The following ZKSCAN5 variants were observed in gnomAD, a reference collection of about 807,000 sequenced individuals.
The protein encoded by ZKSCAN5 is zinc finger with KRAB and SCAN domains 5, also known as zinc finger protein with KRAB and SCAN domains 5.
ZKSCAN5 carries 28 observed loss-of-function variants against 60.0 expected under a neutral mutation model. That is an observed-to-expected ratio of 0.47 (90% CI 0.35 to 0.64). The LOEUF (loss-of-function observed/expected upper bound fraction) is 0.64. Ranked by LOEUF, ZKSCAN5 falls within the 30% of genes least tolerant of loss-of-function variation. The probability of loss-of-function intolerance (pLI) is 0.01; values close to 1 mark genes in which losing one functional copy is unlikely to be tolerated. For synonymous variants in ZKSCAN5, 361 were observed against 371.2 expected, an observed-to-expected ratio of 0.97 and a Z score of 0.31; for missense variants, 881 against 1,034.6, an observed-to-expected ratio of 0.85 and a Z score of 2.04.
rs543833688 is a variant in ZKSCAN5 at position 99,512,437 on chromosome 7, T to G, written c.415-16T>G. On this transcript the variant is annotated splice_polypyrimidine_tract_variant and intron_variant, in intron 2 of 6. Transcript: ENST00000326775. ...TCTCTGTAACTGTACTGATCGGTTT[T>G]GGTTGTGGTTGTTAGATTGTTGCCT... 5 of 1,612,684 alleles carry G rather than the reference T, an allele frequency of 3.1e-6. No homozygotes were observed. The highest frequency in any genetic ancestry group is 1.3e-5 in the African/African-American group (1 of 74,886).
chr7:99,531,977 T>C lies in ZKSCAN5; in HGVS notation c.2248T>C (p.Cys750Arg). The change falls in exon 7 of 7, where the codon TGT becomes CGT. Residue 750 changes from cysteine (C) to arginine (R), a missense_variant. Transcript: ENST00000326775. ...TAEKPYQCDI[C>R]RENVGQCSHT... ...AGAGAAGCCCTATCAATGTGATATA[T>C]GTAGAGAAAATGTTGGCCAGTGTTC... is the stretch of plus-strand genomic sequence containing the variant. 5 of 1,614,190 alleles carry C rather than the reference T, an allele frequency of 3.1e-6. No homozygotes were observed. The highest frequency in any genetic ancestry group is 4.2e-6 in the Non-Finnish European group (5 of 1,180,040).
In ZKSCAN5 at chr7:99,531,115, CAAAA is replaced by C; in HGVS notation, c.1387_1390del (p.Lys463GlufsTer7). 1.9e-6 allele frequency: 3 copies of C among 1,570,188 alleles called. No individual in the cohort carries two copies. Among genetic ancestry groups the C allele is most frequent in the East Asian group, 2.2e-5 (1 of 44,502 alleles). On this transcript the variant is annotated frameshift_variant, in exon 7 of 7. Coordinates refer to ENST00000326775, the MANE Select transcript of ZKSCAN5 (RefSeq NM_145102.4). LOFTEE classifies it high-confidence loss of function. ...GCTCTTTATTTTTTTTAGGCAGTGA[CAAAA>C]GAAGTAAGAACACAAAATTAAGTGT...
intron 6 of ZKSCAN5, among the ~76,000 whole-genome samples, chr7:99,528,426 G>A (rs1054505395): frequency 1.3e-5 from 2 of 151,990 alleles, no homozygotes; most frequent in Non-Finnish European, 2.9e-5. Context: ...TTTGTGGGGC[G>A]GGGGCGTTTT....
At chr7:99,528,803 T>A (rs772314645) in intron 6 of ZKSCAN5, among the ~76,000 whole-genome samples, 14 of 152,200 alleles carry the variant, frequency 9.2e-5, no homozygotes, top group Non-Finnish European at 1.5e-4. Flanking sequence ...TCTGTGTTGC[T>A]AGTTGCACAG....
chr7:99,512,326 C>G (rs969456297), intron 2 of ZKSCAN5, 127 bp from the exon 3 acceptor site: 8 of 1,203,882 alleles, frequency 6.6e-6, no homozygotes, highest in Non-Finnish European at 2.3e-6. Context: ...ATAATCAGTG[C>G]GTGGCTCATT....
intron 3 of ZKSCAN5, 41 bp downstream of exon 3, chr7:99,512,632 G>C (rs1371062993): frequency 8.8e-6 from 14 of 1,598,896 alleles, no homozygotes; most frequent in Non-Finnish European, 1.1e-5. Context: ...TAGCTCAAGA[G>C]TGGGTGCCTT....
At position 99,521,291 on chromosome 7, in the gene ZKSCAN5, G is replaced by A. The variant is rs918733184; in HGVS notation, c.772+987G>A. Among the ~76,000 whole-genome samples the A allele has an allele frequency of 6.6e-5, 10 of 152,152 alleles. No homozygotes were observed. The East Asian group carries it at 1.7e-3, about 26-fold the overall frequency. ...CAGCTCCCTGCAACCTCTGCCTCCTGGTTTCGAGCAATTCTCCTGCCTCAG... is the reference window on the plus strand; with the variant it reads ...CAGCTCCCTGCAACCTCTGCCTCCTAGTTTCGAGCAATTCTCCTGCCTCAG... On this transcript the variant is annotated intron_variant, in intron 5 of 6. Transcript: ENST00000326775.
intron 2 of ZKSCAN5, among the ~76,000 whole-genome samples, chr7:99,506,900 G>T (rs1346824100): frequency 6.9e-6 from 1 of 144,452 alleles, no homozygotes; most frequent in Admixed American, 7.1e-5. Flanking sequence ...GTTTCACCGT[G>T]TTAGCCAGGA....
At chr7:99,513,540 C>T (rs1801136237) in intron 3 of ZKSCAN5, among the ~76,000 whole-genome samples, 1 of 151,996 alleles carries the variant, frequency 6.6e-6, no homozygotes, top group Non-Finnish European at 1.5e-5. Flanking sequence ...ACTACAGGTG[C>T]CTGCCACCAT....
chr7:99,522,396 A>T (rs1801575701), intron 5 of ZKSCAN5, among the ~76,000 whole-genome samples: 1 of 152,158 alleles, frequency 6.6e-6, no homozygotes. Context: ...GATGAATGTA[A>T]GGACTTTGTC....
intron 2 of ZKSCAN5, among the ~76,000 whole-genome samples, chr7:99,506,849 ATTTTTT>A (rs34098119): frequency 3.2e-5 from 4 of 125,920 alleles, no homozygotes; most frequent in African/African-American, 9.0e-5. Context: ...GGCCCGGCTA[ATTTTTT>A]TTTTTTTTTT....
intron 5 of ZKSCAN5, among the ~76,000 whole-genome samples, chr7:99,523,248 A>C (rs771712397): frequency 1.3e-4 from 20 of 150,222 alleles, no homozygotes; most frequent in Non-Finnish European, 2.7e-4. Context: ...GTATGGTGAG[A>C]TCTGGGGTAC....
At chr7:99,510,736 G>A (rs191210632) in intron 2 of ZKSCAN5, among the ~76,000 whole-genome samples, 1,627 of 151,870 alleles carry the variant, frequency 0.011, 17 homozygotes, top group African/African-American at 0.037. Flanking sequence ...GAGCCACTGC[G>A]CCTGGCCTAT....
Position 99,526,198 on chromosome 7 carries a change from G to C in ZKSCAN5, c.1158G>C (p.Arg386=), listed in dbSNP as rs578188356. The C allele has an allele frequency of 1.2e-6, 2 of 1,614,120 alleles. No individual in the cohort carries two copies. The highest frequency in any genetic ancestry group is 2.2e-5 in the South Asian group (2 of 91,086). The part of the protein sequence containing the change: ...CGECGKSYNQ[R]VHLTQHQRVH... Reference sequence around the variant, plus strand: ...AATGTGGGAAGAGCTACAATCAGCGGGTGCACCTCACCCAGCACCAGCGCG... The same window carrying C: ...AATGTGGGAAGAGCTACAATCAGCGCGTGCACCTCACCCAGCACCAGCGCG... Residue 386 remains arginine (R), a synonymous_variant, in exon 6 of 7, where the codon CGG becomes CGC. Transcript: ENST00000326775.
chr7:99,511,368 C>G, intron 2 of ZKSCAN5, among the ~76,000 whole-genome samples: 1 of 152,220 alleles, frequency 6.6e-6, no homozygotes, highest in East Asian at 1.9e-4. Flanking sequence ...TCTGTTTCCT[C>G]TTCACACACT....
intron 4 of ZKSCAN5, 59 bp from the exon 5 acceptor site, chr7:99,520,110 C>T (rs1801459918): frequency 1.3e-6 from 2 of 1,594,844 alleles, no homozygotes; most frequent in Non-Finnish European, 1.7e-6. Context: ...CCCAGTTCTT[C>T]CCCTCACTCC....
At chr7:99,524,518 C>CT in intron 5 of ZKSCAN5, among the ~76,000 whole-genome samples, 1 of 152,198 alleles carries the variant, frequency 6.6e-6, no homozygotes, top group African/African-American at 2.4e-5. Flanking sequence ...GGCCAATACT[C>CT]TATTTTTTGT....
At chr7:99,519,196 G>A (rs57367781) in intron 3 of ZKSCAN5, among the ~76,000 whole-genome samples, 11,694 of 138,738 alleles carry the variant, frequency 0.084, 688 homozygotes, top group African/African-American at 0.18. Flanking sequence ...GGCTGGTCTC[G>A]AACTGCTGAC....
intron 6 of ZKSCAN5, among the ~76,000 whole-genome samples, chr7:99,527,670 C>G (rs2151115780): frequency 6.6e-6 from 1 of 152,032 alleles, no homozygotes; most frequent in East Asian, 1.9e-4. Context: ...ATGCCTGTGA[C>G]TTTTTCTTTT....
Sources: allele counts gnomAD v4.1 joint callset (sites outside exome capture counted in the v4.1 genomes callset), GRCh38; gene constraint gnomAD v4.1.1; transcripts MANE v1.5; gene names NCBI Gene and HGNC (gene_info 2026-07-23, HGNC 2026-07-21).